NR1H4: variants seen among roughly 807,000 people sequenced by gnomAD.
NR1H4 encodes the protein bile acid receptor.
In NR1H4, 23 loss-of-function variants were observed where a neutral mutation model predicts 58.5. The ratio of observed to expected loss-of-function variants is 0.39; its 90% CI spans 0.28 to 0.56. The LOEUF is 0.56. Among genes scored for constraint, NR1H4 ranks in the 20% least tolerant of loss-of-function variants. The probability of loss-of-function intolerance (pLI) is 0.58; values close to 1 mark genes in which losing one functional copy is unlikely to be tolerated. For synonymous variants in NR1H4, 214 were observed against 198.0 expected (o/e 1.08, Z -0.68); for missense variants, 487 against 576.9 (o/e 0.84, Z 1.60).
chr12:100,483,538 C>T (rs541715549), intron 1 of NR1H4, among the ~76,000 whole-genome samples: 81 of 152,232 alleles, frequency 5.3e-4, no homozygotes, highest in African/African-American at 1.8e-3. Flanking sequence ...TTGTCCTTGA[C>T]GTGTCTCTGG....
At chr12:100,513,801 AAAGGAAGGAAGGAAGGAAGG>A (rs199813041) in intron 4 of NR1H4, among the ~76,000 whole-genome samples, 19,607 of 115,904 alleles carry the variant, frequency 0.17, 1,824 homozygotes, top group East Asian at 0.23. Context: ...TCAAAGACAG[AAAGGAAGGAAGGAAGGAAGG>A]AAGGAAGGAA....
In NR1H4 at chr12:100,564,131, A is replaced by T. The variant is rs568668055; in HGVS notation, c.*642A>T. On this transcript the variant is annotated 3_prime_UTR_variant, in exon 11 of 11. Transcript: ENST00000392986. ...TCCCTCAAGCAATCCTTTCCCCCAT[A>T]GTTAGTCTTGAGGCAGGATTCACAA... 7.2e-5 allele frequency: 11 copies of T among 152,594 alleles called. No homozygotes were observed. Among genetic ancestry groups the T allele is most frequent in the African/African-American group, 2.6e-4 (11 of 41,564 alleles). The allele number at this position is 152,594 out of a possible 1,614,324, so 9.5% of individuals were successfully genotyped here.
At chr12:100,547,201 C>G (rs1360009461) in intron 9 of NR1H4, among the ~76,000 whole-genome samples, 1 of 152,122 alleles carries the variant, frequency 6.6e-6, no homozygotes, top group Non-Finnish European at 1.5e-5. Flanking sequence ...GATATGTGGT[C>G]AAACCCCAGC....
At chr12:100,507,676 G>C (rs1954001374) in intron 3 of NR1H4, among the ~76,000 whole-genome samples, 1 of 152,066 alleles carries the variant, frequency 6.6e-6, no homozygotes, top group African/African-American at 2.4e-5. Flanking sequence ...TGTTGGCTAG[G>C]ATGGTCTCAA....
At chr12:100,477,173 A>G (rs2136059570) in intron 1 of NR1H4, among the ~76,000 whole-genome samples, 1 of 152,258 alleles carries the variant, frequency 6.6e-6, no homozygotes, top group Non-Finnish European at 1.5e-5. Context: ...TTGGCCATAA[A>G]AGAACATCTA....
At chr12:100,500,698 C>T (rs899706812) in intron 3 of NR1H4, among the ~76,000 whole-genome samples, 1 of 152,092 alleles carries the variant, frequency 6.6e-6, no homozygotes, top group Non-Finnish European at 1.5e-5. Context: ...TGAGTGAGTT[C>T]TCATGAGATC....
chr12:100,515,539 T>C (rs1268935922), intron 4 of NR1H4, among the ~76,000 whole-genome samples: 2 of 152,108 alleles, frequency 1.3e-5, no homozygotes, highest in Non-Finnish European at 2.9e-5. Context: ...CTGAGGGTGA[T>C]TAGTTTGAAT....
rs368213599 is a variant in NR1H4 at position 100,534,951 on chromosome 12, A to T, written c.660A>T (p.Ala220=). 2 of 1,614,142 alleles carry T rather than the reference A, an allele frequency of 1.2e-6. No homozygotes were observed. Among genetic ancestry groups the T allele is most frequent in the African/African-American group, 2.7e-5 (2 of 74,958 alleles). The change falls in exon 6 of 11, where the codon GCA becomes GCT. Residue 220 remains alanine, a synonymous_variant. Coordinates refer to ENST00000392986, the MANE Select transcript of NR1H4 (RefSeq NM_001206979.2). ...TGAGAAAAAATGTGAAGCAGCATGC[A>T]GATCAGACCGTGAATGAAGACAGTG... ...KRLRKNVKQH[A]DQTVNEDSEG...
chr12:100,499,237 T>G (rs1284468582), intron 3 of NR1H4, among the ~76,000 whole-genome samples: 1 of 152,254 alleles, frequency 6.6e-6, no homozygotes, highest in Non-Finnish European at 1.5e-5. Flanking sequence ...TATTTTTCCA[T>G]CTCACTGAGT....
chr12:100,548,815 G>A (rs1030198126), intron 9 of NR1H4, among the ~76,000 whole-genome samples: 10 of 152,128 alleles, frequency 6.6e-5, no homozygotes, highest in Admixed American at 1.3e-4. Context: ...ATTTAAGTTA[G>A]AGGTTTGGCT....
At chr12:100,527,879 A>T (rs183272338) in intron 4 of NR1H4, among the ~76,000 whole-genome samples, 17 of 152,246 alleles carry the variant, frequency 1.1e-4, no homozygotes, top group East Asian at 5.8e-4. Context: ...ATAATAATAA[A>T]AAAAAAGAAA....
In NR1H4 at chr12:100,493,287, C is replaced by A; in HGVS notation, c.-37C>A. 2 of 1,025,426 alleles carry A rather than the reference C, an allele frequency of 2.0e-6. No homozygotes were observed. Among genetic ancestry groups the A allele is most frequent in the Non-Finnish European group, 3.0e-6 (2 of 657,674 alleles). The allele number at this position is 1,025,426 out of a possible 1,614,324, so 63.5% of individuals were successfully genotyped here. ...CCTTTCAGGAGTTTTTTTTGAAGAC[C>A]ACCATAAAGAAAGTGCATTTCAATT... On this transcript the variant is annotated 5_prime_UTR_variant, in exon 3 of 11. Coordinates refer to ENST00000392986, the MANE Select transcript of NR1H4 (RefSeq NM_001206979.2).
chr12:100,507,071 C>T (rs1052199237), intron 3 of NR1H4, among the ~76,000 whole-genome samples: 1 of 152,116 alleles, frequency 6.6e-6, no homozygotes, highest in Non-Finnish European at 1.5e-5. Flanking sequence ...AAGTACACAT[C>T]TCCTTGGATG....
intron 4 of NR1H4, among the ~76,000 whole-genome samples, chr12:100,524,095 A>G (rs1380540108): frequency 6.6e-6 from 1 of 152,230 alleles, no homozygotes; most frequent in Non-Finnish European, 1.5e-5. Flanking sequence ...AAGACAAACT[A>G]AGATGATAAA....
At chr12:100,482,426 C>A (rs1031662917) in intron 1 of NR1H4, among the ~76,000 whole-genome samples, 21 of 152,092 alleles carry the variant, frequency 1.4e-4, no homozygotes, top group Admixed American at 1.4e-3. Context: ...ATTATTCATT[C>A]ACTCATTTAT....
rs1381755285 is a variant in NR1H4 at position 100,510,606 on chromosome 12, T to TA, written c.80-172_80-171insA. On this transcript the variant is annotated intron_variant, in intron 3 of 10. Coordinates refer to ENST00000392986, the MANE Select transcript of NR1H4 (RefSeq NM_001206979.2). ...CTGAATTTTTAATTTGTCATTTAAT[T>TA]TTATATATATATATATATATATATA... Among the ~76,000 whole-genome samples, 363 of 124,454 alleles carry TA rather than the reference T, an allele frequency of 2.9e-3. 1 individual carries two copies. The highest frequency in any genetic ancestry group is 0.012 in the African/African-American group (336 of 28,622). 81.6% of individuals were successfully genotyped at this position (124,454 alleles called of 152,430 possible).
Position 100,536,622 on chromosome 12 carries a change from A to G in NR1H4, c.831+12A>G. The G allele has an allele frequency of 7.3e-7, 1 of 1,360,912 alleles. No homozygotes were observed. The highest frequency in any genetic ancestry group is 1.1e-6 in the Non-Finnish European group (1 of 949,666). 84.3% of individuals were successfully genotyped at this position (1,360,912 alleles called of 1,614,324 possible). The stretch of plus-strand genomic sequence containing the variant: ...TAACAAATAAAATTGTATGTATAAT[A>G]TCTGAAAATATGTGGGTTTAAAGTT... On this transcript the variant is annotated intron_variant, in intron 7 of 10. Coordinates refer to ENST00000392986, the MANE Select transcript of NR1H4 (RefSeq NM_001206979.2).
chr12:100,534,285 A>G (rs537959274), intron 5 of NR1H4, among the ~76,000 whole-genome samples: 1 of 152,280 alleles, frequency 6.6e-6, no homozygotes, highest in Non-Finnish European at 1.5e-5. Context: ...TTTATTTTTA[A>G]CTGTATTCTC....
At chr12:100,479,232 A>C in intron 1 of NR1H4, among the ~76,000 whole-genome samples, 1 of 152,140 alleles carries the variant, frequency 6.6e-6, no homozygotes, top group Non-Finnish European at 1.5e-5. Context: ...ACGTTCTCAA[A>C]TGTATTCTTT....
Sources: allele counts gnomAD v4.1 joint callset (sites outside exome capture counted in the v4.1 genomes callset), GRCh38; gene constraint gnomAD v4.1.1; transcripts MANE v1.5; gene names NCBI Gene and HGNC (gene_info 2026-07-23, HGNC 2026-07-21).